RHOG: variants seen among roughly 807,000 people sequenced by gnomAD.
The protein encoded by RHOG is ras homolog family member G.
Under a neutral mutation model 12.3 loss-of-function variants are expected in RHOG, and 1 was observed. That is an observed-to-expected ratio of 0.08 (90% CI 0.03 to 0.39). The LOEUF (loss-of-function observed/expected upper bound fraction) is 0.39. Among genes scored for constraint, RHOG ranks in the 10% least tolerant of loss-of-function variants. The pLI, the probability that RHOG is intolerant of heterozygous loss-of-function variation, is 0.99. For synonymous variants in RHOG, 129 were observed against 116.0 expected (o/e 1.11, Z -0.72); for missense variants, 114 against 266.2 (o/e 0.43, Z 3.98).
intron 1 of RHOG, among the ~76,000 whole-genome samples, chr11:3,831,433 C>A (rs926815979): frequency 2.0e-5 from 3 of 150,280 alleles, no homozygotes; most frequent in Non-Finnish European, 2.9e-5. Flanking sequence ...TGTGTTTGTG[C>A]GCGTGCACGT....
At chr11:3,828,737 C>T (rs1378069154) in intron 1 of RHOG, among the ~76,000 whole-genome samples, 1 of 150,966 alleles carries the variant, frequency 6.6e-6, no homozygotes, top group Non-Finnish European at 1.5e-5. Flanking sequence ...CATTCTGCCT[C>T]AGCCTCTCGA....
intron 1 of RHOG, among the ~76,000 whole-genome samples, chr11:3,833,055 CAA>C (rs545167237): frequency 1.4e-5 from 2 of 140,948 alleles, no homozygotes. Context: ...CCCCATGTCT[CAA>C]AAAAAAAAAA....
Position 3,827,595 on chromosome 11 carries a change from T to C in RHOG, c.544A>G (p.Ile182Val), listed in dbSNP as rs757680054. ...AGGATGCAGGACCGCCCACGCTTGA[T>C]CGGCGTGGGGTTGAGCACAGCCCGG... ...AVRAVLNPTP[I>V]KRGRSCILL Residue 182 changes from isoleucine (I) to valine (V), a missense_variant, in exon 2 of 2, where the codon ATC becomes GTC. Physicochemically the swap from Ile to Val is conservative, Grantham distance 29. Around this residue, in one of 2 missense-constraint regions of RHOG, gnomAD observed 61 missense variants for 101.4 expected, o/e 0.60. Coordinates refer to ENST00000351018, the MANE Select transcript of RHOG (RefSeq NM_001665.4). The surrounding 1 kb of genome is among the most constrained non-coding windows in gnomAD (Gnocchi z 7.3). 1 of 1,610,126 alleles carries C rather than the reference T, an allele frequency of 6.2e-7. No individual in the cohort carries two copies.
rs150200565 is a variant in RHOG at position 3,839,063 on chromosome 11, G to A, written c.-69+1831C>T. 1.0e-3 allele frequency among the ~76,000 whole-genome samples: 152 copies of A among 152,278 alleles called. 1 individual carries two copies. Among genetic ancestry groups the A allele is most frequent in the South Asian group, 6.2e-3 (30 of 4,830 alleles). On this transcript the variant is annotated intron_variant, in intron 1 of 1. Transcript: ENST00000351018. ...GAAAGGAGCAGACACTTTTGCCTCCGCCGCTTCTTAAGTCCGAAGTTAGAC... is the reference window on the plus strand; with the variant it reads ...GAAAGGAGCAGACACTTTTGCCTCCACCGCTTCTTAAGTCCGAAGTTAGAC...
chr11:3,836,378 G>GAAAAA (rs60712252), intron 1 of RHOG, among the ~76,000 whole-genome samples: 1 of 144,462 alleles, frequency 6.9e-6, no homozygotes, highest in African/African-American at 2.6e-5. Flanking sequence ...AAAAAAGAAA[G>GAAAAA]AAAAAATCCA....
At chr11:3,834,025 T>C (rs908332897) in intron 1 of RHOG, among the ~76,000 whole-genome samples, 1 of 152,150 alleles carries the variant, frequency 6.6e-6, no homozygotes, top group Non-Finnish European at 1.5e-5. Context: ...CGGGTTCAAG[T>C]GATTCTCCTG....
chr11:3,832,984 T>C (rs1436806362), intron 1 of RHOG, among the ~76,000 whole-genome samples: 1 of 151,912 alleles, frequency 6.6e-6, no homozygotes, highest in Admixed American at 6.6e-5. Context: ...GTGTGTACAC[T>C]AGTCAAGGTT....
chr11:3,831,828 A>G (rs762956940), intron 1 of RHOG, among the ~76,000 whole-genome samples: 15 of 152,154 alleles, frequency 9.9e-5, no homozygotes, highest in Non-Finnish European at 1.9e-4. Context: ...GTGGGTGTTG[A>G]CAGTATGACT....
At position 3,827,738 on chromosome 11, in the gene RHOG, T is replaced by A; in HGVS notation, c.401A>T (p.Gln134Leu). Residue 134 changes from glutamine to leucine, a missense_variant, in exon 2 of 2, where the codon CAG (glutamine) becomes CTG (leucine). Coordinates refer to ENST00000351018, the MANE Select transcript of RHOG (RefSeq NM_001665.4). The surrounding 1 kb of genome is among the most constrained non-coding windows in gnomAD (Gnocchi z 7.3). ...GCCCTGCTGCGGTGTGATGGGCGCC[T>A]GGCCCTGCTCCTTGAGGCGCCGTAG... ...DTLRRLKEQG[Q>L]APITPQQGQA... 1 of 1,614,086 alleles carries A rather than the reference T, an allele frequency of 6.2e-7. No homozygotes were observed. The highest frequency in any genetic ancestry group is 8.5e-7 in the Non-Finnish European group (1 of 1,180,014).
intron 1 of RHOG, among the ~76,000 whole-genome samples, chr11:3,832,154 C>T (rs1392694657): frequency 6.6e-6 from 1 of 152,142 alleles, no homozygotes; most frequent in East Asian, 1.9e-4. Context: ...GACCTTGACC[C>T]TTGATAAAAA....
chr11:3,830,363 T>C (rs139036024), intron 1 of RHOG, among the ~76,000 whole-genome samples: 73 of 152,220 alleles, frequency 4.8e-4, no homozygotes, highest in African/African-American at 1.7e-3. Context: ...TTGCTCAGAA[T>C]ATGAAATGAG....
intron 1 of RHOG, among the ~76,000 whole-genome samples, chr11:3,834,401 G>A (rs1465082084): frequency 6.6e-6 from 1 of 152,146 alleles, no homozygotes; most frequent in Non-Finnish European, 1.5e-5. Flanking sequence ...ATTGCCTTTT[G>A]ATCTGCTTGT....
intron 1 of RHOG, among the ~76,000 whole-genome samples, chr11:3,829,748 A>G (rs1253650157): frequency 6.6e-6 from 1 of 150,658 alleles, no homozygotes; most frequent in Non-Finnish European, 1.5e-5. Context: ...GGGGTGGAGC[A>G]AATTTTTTTC....
Position 3,827,468 on chromosome 11 carries a change from A to G in RHOG, c.*95T>C. On this transcript the variant is annotated 3_prime_UTR_variant, in exon 2 of 2. Coordinates refer to ENST00000351018, the MANE Select transcript of RHOG (RefSeq NM_001665.4). The surrounding 1 kb of genome is among the most constrained non-coding windows in gnomAD (Gnocchi z 7.3). Reference sequence around the variant, plus strand: ...AGGGAACCCCCTGGAAAGGGGTGCCAGAATTAGTCCTTAAGGCACAGCTGA... The same window carrying G: ...AGGGAACCCCCTGGAAAGGGGTGCCGGAATTAGTCCTTAAGGCACAGCTGA... 1 of 1,010,506 alleles carries G rather than the reference A, an allele frequency of 9.9e-7. No individual in the cohort carries two copies. The highest frequency in any genetic ancestry group is 2.6e-5 in the East Asian group (1 of 38,936). The allele number at this position is 1,010,506 out of a possible 1,614,324, so 62.6% of individuals were successfully genotyped here.
At chr11:3,840,268 G>C (rs1394854085) in intron 1 of RHOG, among the ~76,000 whole-genome samples, 2 of 152,074 alleles carry the variant, frequency 1.3e-5, no homozygotes, top group East Asian at 1.9e-4. Context: ...CTACTGCTTG[G>C]CTCCAGGTAA....
In RHOG at chr11:3,828,340, G is replaced by T; in HGVS notation, c.-68-134C>A. The T allele has an allele frequency of 5.1e-6, 3 of 589,852 alleles. No individual in the cohort carries two copies. In the South Asian group the frequency reaches 6.4e-5, roughly 13 times the overall value. 36.5% of individuals were successfully genotyped at this position (589,852 alleles called of 1,614,324 possible). On this transcript the variant is annotated intron_variant, in intron 1 of 1. Transcript: ENST00000351018. ...ACTATCCCAAAGTCCCATCAAGACGGTCATCAGAAAGACACACAATGAAAG... is the reference window on the plus strand; with the variant it reads ...ACTATCCCAAAGTCCCATCAAGACGTTCATCAGAAAGACACACAATGAAAG...
intron 1 of RHOG, chr11:3,840,544 C>CG (rs1554948357): frequency 1.3e-5 from 2 of 150,056 alleles, no homozygotes; most frequent in African/African-American, 5.0e-5. Context: ...ACACCCCCCC[C>CG]ACCAACTTCT....
At chr11:3,828,438 G>A (rs1354582565) in intron 1 of RHOG, among the ~76,000 whole-genome samples, 2 of 152,174 alleles carry the variant, frequency 1.3e-5, no homozygotes, top group East Asian at 1.9e-4. Flanking sequence ...ACAAACTAAG[G>A]TCAAATCCTG....
At position 3,828,808 on chromosome 11, in the gene RHOG, GAT is replaced by G. The variant is rs1164202613; in HGVS notation, c.-68-604_-68-603del. Among the ~76,000 whole-genome samples, 45 of 151,676 alleles carry G rather than the reference GAT, an allele frequency of 3.0e-4. No homozygotes were observed. The East Asian group carries it at 7.4e-3, about 25-fold the overall frequency. ...GCTAATTTTTTGTATTTTTAGTAGAGATGGGGTTTCACCGTGTTGGCCAGGAT... is the reference window on the plus strand; with the variant it reads ...GCTAATTTTTTGTATTTTTAGTAGAGGGGGTTTCACCGTGTTGGCCAGGAT... On this transcript the variant is annotated intron_variant, in intron 1 of 1. Coordinates refer to ENST00000351018, the MANE Select transcript of RHOG (RefSeq NM_001665.4).
Sources: gnomAD v4.1 joint callset for allele counts (sites outside exome capture counted in the v4.1 genomes callset) on GRCh38, gnomAD v4.1.1 for gene constraint, gnomAD v4.1.1 regional missense constraint, Gnocchi (gnomAD v3.1) non-coding constraint, MANE v1.5 for transcripts, NCBI Gene and HGNC (gene_info 2026-07-23, HGNC 2026-07-21) for gene names.